Variants in GLP2R observed in about 807,000 individuals in gnomAD.
GLP2R encodes glucagon like peptide 2 receptor.
A neutral mutation model predicts 68.2 loss-of-function variants in GLP2R; 59 were observed. The ratio of observed to expected loss-of-function variants is 0.87; its 90% CI spans 0.70 to 1.07. GLP2R has a LOEUF of 1.07. GLP2R is among the 50% of genes least tolerant of loss of function. The pLI is 0.00. For missense variants in GLP2R, 548 were observed against 677.4 expected (o/e 0.81, Z 2.12); for synonymous variants, 270 against 265.4 (o/e 1.02, Z -0.17).
chr17:9,859,968 G>A lies in GLP2R; in HGVS notation c.792G>A (p.Gln264=), dbSNP rs1164879535. Residue 264 remains glutamine, a synonymous_variant, in exon 7 of 13, where the codon CAG becomes CAA. Transcript: ENST00000262441. ...SEMSTSCRSV[Q]VLLHYFVGAN... ...TGTCCACCTCCTGCCGCTCAGTCCA[G>A]GTTCTCTTGCATTACTTTGTGGGTG... 1 of 1,612,704 alleles carries A rather than the reference G, an allele frequency of 6.2e-7. No individual in the cohort carries two copies. Among genetic ancestry groups the A allele is most frequent in the Non-Finnish European group, 8.5e-7 (1 of 1,179,798 alleles).
At chr17:9,880,680 A>C (rs2067187151) in intron 11 of GLP2R, among the ~76,000 whole-genome samples, 164 bp downstream of exon 11, 1 of 152,154 alleles carries the variant, frequency 6.6e-6, no homozygotes, top group Admixed American at 6.5e-5. Flanking sequence ...GCAGACGGGG[A>C]AGTATTGCGT....
chr17:9,865,877 T>C (rs982907529), intron 9 of GLP2R: 10 of 471,194 alleles, frequency 2.1e-5, no homozygotes, highest in African/African-American at 2.0e-4. Flanking sequence ...AATGGGAGCA[T>C]TCCCTTTGGT....
chr17:9,878,689 C>T (rs1269674749), intron 10 of GLP2R, among the ~76,000 whole-genome samples: 2 of 152,176 alleles, frequency 1.3e-5, no homozygotes, highest in African/African-American at 4.8e-5. Flanking sequence ...CACCCCTCTT[C>T]TTGGCTTTAG....
At chr17:9,861,018 A>G (rs1346860505) in intron 7 of GLP2R, 121 bp from the exon 8 acceptor site, 1 of 744,172 alleles carries the variant, frequency 1.3e-6, no homozygotes, top group Non-Finnish European at 2.5e-6. Context: ...CACAGTCCAC[A>G]ACTCCATGAT....
In GLP2R at chr17:9,826,128, A is replaced by T. The variant is rs8072568; in HGVS notation, c.65A>T (p.His22Leu). ...AGCGCGGGACTCCTGCCTGGCGTCC[A>T]CGAGCTGCCCATGGGCATCCCTGCC... is the stretch of plus-strand genomic sequence containing the variant. Reference protein sequence around the residue: ...RGSAGLLPGVHELPMGIPAPW... With the variant: ...RGSAGLLPGVLELPMGIPAPW... The change falls in exon 1 of 13, where the codon CAC (histidine) becomes CTC (leucine). Residue 22 changes from histidine to leucine, a missense_variant. Physicochemically the swap from His to Leu is moderately conservative, Grantham distance 99 (BLOSUM62 -3). Coordinates refer to ENST00000262441, the MANE Select transcript of GLP2R (RefSeq NM_004246.3). 3.7e-3 allele frequency: 5,911 copies of T among 1,612,796 alleles called. 166 individuals carry two copies. The African/African-American group carries it at 0.069, about 19-fold the overall frequency.
chr17:9,879,145 T>G (rs1037117671), intron 10 of GLP2R, among the ~76,000 whole-genome samples: 3 of 151,970 alleles, frequency 2.0e-5, no homozygotes, highest in African/African-American at 7.2e-5. Flanking sequence ...CCAGGTGCAG[T>G]GGTTTGCACC....
chr17:9,847,504 G>A (rs1432317349), intron 4 of GLP2R, among the ~76,000 whole-genome samples: 2 of 152,096 alleles, frequency 1.3e-5, no homozygotes, highest in African/African-American at 2.4e-5. Flanking sequence ...GCCTGACCTC[G>A]TGATCTGTCC....
At chr17:9,836,224 A>G (rs759556857) in intron 2 of GLP2R, 147 bp from the exon 3 acceptor site, 23 of 622,664 alleles carry the variant, frequency 3.7e-5, no homozygotes, top group Non-Finnish European at 5.6e-5. Context: ...TGACTCATCT[A>G]GAGAGTGGGG....
chr17:9,871,343 CA>C (rs34449375), intron 10 of GLP2R, among the ~76,000 whole-genome samples: 21,524 of 95,630 alleles, frequency 0.23, 1,487 homozygotes, highest in African/African-American at 0.28. Flanking sequence ...GACCCTGTCT[CA>C]AAAAAAAAAA....
intron 4 of GLP2R, among the ~76,000 whole-genome samples, chr17:9,852,131 G>A (rs2066897576): frequency 6.6e-6 from 1 of 150,394 alleles, no homozygotes; most frequent in Non-Finnish European, 1.5e-5. Context: ...GTATACATGT[G>A]CCATGGTGGT....
chr17:9,875,392 C>A (rs2067134459), intron 10 of GLP2R, among the ~76,000 whole-genome samples: 1 of 152,188 alleles, frequency 6.6e-6, no homozygotes, highest in Admixed American at 6.5e-5. Flanking sequence ...CAGGGCCCAG[C>A]ATATTTTATC....
chr17:9,856,580 C>T (rs2066935523), intron 5 of GLP2R, among the ~76,000 whole-genome samples: 1 of 152,142 alleles, frequency 6.6e-6, no homozygotes, highest in Admixed American at 6.6e-5. Context: ...GTGATGAGAG[C>T]TAACATTTTT....
chr17:9,864,343 A>G (rs1039652131), intron 9 of GLP2R, among the ~76,000 whole-genome samples: 2 of 152,188 alleles, frequency 1.3e-5, no homozygotes, highest in Non-Finnish European at 1.5e-5. Flanking sequence ...TTGGATGAAC[A>G]TTAAAGTTTG....
chr17:9,862,241 A>G, intron 9 of GLP2R, 151 bp downstream of exon 9: 1 of 662,428 alleles, frequency 1.5e-6, no homozygotes, highest in Non-Finnish European at 2.7e-6. Context: ...AGAAGTTAGA[A>G]GTTTCTTGCT....
At chr17:9,854,634 C>CTACTATACCTGCCCGA in intron 5 of GLP2R, 33 bp downstream of exon 5, 1 of 1,229,816 alleles carries the variant, frequency 8.1e-7, no homozygotes, top group Non-Finnish European at 1.2e-6. Context: ...TGTGTTCGGG[C>CTACTATACCTGCCCGA]AGGTATAGTA....
intron 1 of GLP2R, among the ~76,000 whole-genome samples, chr17:9,827,121 G>A (rs7219424): frequency 9.2e-5 from 14 of 152,064 alleles, no homozygotes; most frequent in South Asian, 4.2e-4. Flanking sequence ...TACCCGCCTC[G>A]GCCTCCCAAA....
At chr17:9,833,933 A>T in intron 2 of GLP2R, 39 bp downstream of exon 2, 2 of 1,295,402 alleles carry the variant, frequency 1.5e-6, no homozygotes, top group Non-Finnish European at 2.2e-6. Flanking sequence ...TGTGTAACAA[A>T]TTGCCCCAAA....
intron 1 of GLP2R, among the ~76,000 whole-genome samples, chr17:9,832,041 G>A (rs896421694): frequency 9.2e-5 from 14 of 152,124 alleles, no homozygotes; most frequent in African/African-American, 2.9e-4. Flanking sequence ...TTAGGGTAGG[G>A]GCTGTGTCTC....
Position 9,826,179 on chromosome 17 carries a change from T to C in GLP2R, c.116T>C (p.Phe39Ser). The C allele has an allele frequency of 6.2e-7, 1 of 1,613,420 alleles. No homozygotes were observed. The highest frequency in any genetic ancestry group is 8.5e-7 in the Non-Finnish European group (1 of 1,179,756). Reference protein sequence around the residue: ...PAPWGTSPLSFHRKCSLWAPG... With the variant: ...PAPWGTSPLSSHRKCSLWAPG... The stretch of plus-strand genomic sequence containing the variant: ...CCCTGGGGGACCAGTCCTCTCTCCT[T>C]CCACAGGAAGTGCTCTCTCTGGGCC... The change falls in exon 1 of 13, where the codon TTC becomes TCC. Residue 39 changes from phenylalanine (F) to serine (S), a missense_variant. Transcript: ENST00000262441.
Sources: gnomAD v4.1 joint callset for allele counts (sites outside exome capture counted in the v4.1 genomes callset) on GRCh38, gnomAD v4.1.1 for gene constraint, MANE v1.5 for transcripts, NCBI Gene and HGNC (gene_info 2026-07-23, HGNC 2026-07-21) for gene names.